Variants in EPHA4 observed in about 807,000 individuals in gnomAD.
EPHA4 encodes ephrin type-A receptor 4.
EPHA4 carries 19 observed loss-of-function variants against 108.3 expected under a neutral mutation model. The observed-to-expected ratio is 0.18, with a 90% CI of 0.12 to 0.26. The LOEUF (loss-of-function observed/expected upper bound fraction) is 0.26, where lower values mean the gene tolerates loss of function less well. Among genes scored for constraint, EPHA4 ranks in the 10% least tolerant of loss-of-function variants. The pLI, the probability that EPHA4 is intolerant of heterozygous loss-of-function variation, is 1.00. For synonymous variants in EPHA4, 449 were observed against 455.5 expected, an observed-to-expected ratio of 0.99 and a Z score of 0.18; for missense variants, 917 against 1,254.0, an observed-to-expected ratio of 0.73 and a Z score of 4.06.
At chr2:221,440,620 T>C (rs2106103522) in intron 11 of EPHA4, among the ~76,000 whole-genome samples, 1 of 152,064 alleles carries the variant, frequency 6.6e-6, no homozygotes, top group South Asian at 2.1e-4. Flanking sequence ...TTTTTTTTTT[T>C]TTTGAAAGAT....
chr2:221,508,995 T>G (rs1559271988), intron 3 of EPHA4, among the ~76,000 whole-genome samples: 3 of 152,214 alleles, frequency 2.0e-5, no homozygotes. Flanking sequence ...TTCTGGATAG[T>G]AAAATCAGAA....
chr2:221,528,105 C>T (rs1007246029), intron 3 of EPHA4, among the ~76,000 whole-genome samples: 1 of 151,890 alleles, frequency 6.6e-6, no homozygotes, highest in Non-Finnish European at 1.5e-5. Context: ...AGAGTTATGC[C>T]TGTCTCATTC....
intron 3 of EPHA4, among the ~76,000 whole-genome samples, chr2:221,528,939 G>T (rs1000149518): frequency 1.3e-5 from 2 of 151,938 alleles, no homozygotes; most frequent in African/African-American, 4.8e-5. Context: ...GCATTTACAG[G>T]TCTCAAATAC....
chr2:221,463,366 A>G (rs1345206891), intron 5 of EPHA4, among the ~76,000 whole-genome samples: 1 of 152,232 alleles, frequency 6.6e-6, no homozygotes, highest in Non-Finnish European at 1.5e-5. Context: ...TCCCAGTTCT[A>G]CAAATCCCTG....
Position 221,426,311 on chromosome 2 carries a change from T to G in EPHA4, c.2846+153A>C, listed in dbSNP as rs1371650322. ...CAATTTAATGCAAGAATGTAGATAC[T>G]TTATAGAGGCTGTGTAAAATTATAC... On this transcript the variant is annotated intron_variant, in intron 16 of 17. Transcript: ENST00000281821. The G allele has an allele frequency of 9.5e-6, 10 of 1,050,234 alleles. No individual in the cohort carries two copies. The African/African-American group carries it at 1.3e-4, about 14-fold the overall frequency. The allele number at this position is 1,050,234 out of a possible 1,614,324, so 65.1% of individuals were successfully genotyped here. A position where few individuals can be genotyped will look rare whatever the true frequency, so the allele number is the denominator to read the frequency against.
chr2:221,426,138 G>C lies in EPHA4; in HGVS notation c.2851C>G (p.Leu951Val). 1 of 1,613,798 alleles carries C rather than the reference G, an allele frequency of 6.2e-7. No homozygotes were observed. The highest frequency in any genetic ancestry group is 8.5e-7 in the Non-Finnish European group (1 of 1,179,776). The change falls in exon 17 of 18, where the codon CTG (leucine) becomes GTG (valine). Residue 951 changes from leucine (L) to valine (V), a missense_variant. By Grantham distance (32) the Leu-to-Val change is conservative. Coordinates refer to ENST00000281821, the MANE Select transcript of EPHA4 (RefSeq NM_004438.5). ...EAVVHVNQED[L>V]ARIGITAITH... ...ATGGCTGTGATACCAATTCTTGCCA[G>C]GTCCCTGTACATAGGGCGACAAAAA...
In EPHA4 at chr2:221,548,319, G is replaced by A. The variant is rs561253426; in HGVS notation, c.823+15412C>T. On this transcript the variant is annotated intron_variant, in intron 3 of 17. Coordinates refer to ENST00000281821, the MANE Select transcript of EPHA4 (RefSeq NM_004438.5). The stretch of plus-strand genomic sequence containing the variant: ...TTGCAGTGAGCCAAGATCACAGATC[G>A]CACCACTGCACTCCAGCCTGGCGAC... Among the ~76,000 whole-genome samples the A allele has an allele frequency of 1.3e-4, 19 of 151,638 alleles. No homozygotes were observed. The South Asian group carries it at 2.7e-3, about 22-fold the overall frequency.
intron 13 of EPHA4, among the ~76,000 whole-genome samples, chr2:221,435,235 A>G (rs1433689331): frequency 6.6e-6 from 1 of 152,206 alleles, no homozygotes; most frequent in Non-Finnish European, 1.5e-5. Context: ...TGTTACGCAC[A>G]GAAGGACACT....
chr2:221,432,772 T>C (rs1241415743), intron 14 of EPHA4, among the ~76,000 whole-genome samples: 3 of 150,388 alleles, frequency 2.0e-5, no homozygotes, highest in Non-Finnish European at 4.4e-5. Context: ...GCGTCCCGAG[T>C]AGCTGGGACT....
intron 3 of EPHA4, chr2:221,502,423 G>T (rs1692512553): frequency 2.2e-5 from 10 of 456,092 alleles, no homozygotes; most frequent in Middle Eastern, 3.3e-4. Flanking sequence ...CTTAGGACTT[G>T]TCTATACTAT....
intron 11 of EPHA4, chr2:221,437,461 A>G (rs1690277669): frequency 5.0e-6 from 1 of 198,216 alleles, no homozygotes; most frequent in East Asian, 1.2e-4. Flanking sequence ...TTCAATGCAG[A>G]AATAATCTTT....
chr2:221,542,987 T>G (rs999352161), intron 3 of EPHA4, among the ~76,000 whole-genome samples: 1 of 152,238 alleles, frequency 6.6e-6, no homozygotes, highest in Non-Finnish European at 1.5e-5. Context: ...GAGTATTGCA[T>G]GGAAATTAAC....
intron 4 of EPHA4, among the ~76,000 whole-genome samples, chr2:221,493,226 G>T (rs1278375605): frequency 6.6e-6 from 1 of 151,936 alleles, no homozygotes; most frequent in Admixed American, 6.6e-5. Flanking sequence ...ATATGCTTTC[G>T]GGTAGATAAA....
chr2:221,487,751 C>T (rs1692020855), intron 4 of EPHA4, among the ~76,000 whole-genome samples: 1 of 152,224 alleles, frequency 6.6e-6, no homozygotes, highest in East Asian at 1.9e-4. Context: ...GGAACATAAA[C>T]ACCCTTCCTT....
intron 3 of EPHA4, among the ~76,000 whole-genome samples, chr2:221,519,647 A>G (rs921916637): frequency 6.6e-6 from 1 of 152,250 alleles, no homozygotes; most frequent in African/African-American, 2.4e-5. Flanking sequence ...GCAACAACCA[A>G]CCTAATGTAA....
At position 221,498,831 on chromosome 2, in the gene EPHA4, A is replaced by G. The variant is rs142191066; in HGVS notation, c.979+2186T>C. On this transcript the variant is annotated intron_variant, in intron 4 of 17. Transcript: ENST00000281821. Reference sequence around the variant, plus strand: ...TTGAGACGACAGAGTTTCCTCTGTCATCTAGGGTGGAGTCCAGTGGTGCAA... The same window carrying G: ...TTGAGACGACAGAGTTTCCTCTGTCGTCTAGGGTGGAGTCCAGTGGTGCAA... Among the ~76,000 whole-genome samples, 574 of 139,006 alleles carry G rather than the reference A, an allele frequency of 4.1e-3. 1 individual carries two copies. The highest frequency in any genetic ancestry group is 6.0e-3 in the Non-Finnish European group (399 of 66,340). 91.2% of individuals were successfully genotyped at this position (139,006 alleles called of 152,430 possible). A position where few individuals can be genotyped will look rare whatever the true frequency, so the allele number is the denominator to read the frequency against.
intron 14 of EPHA4, 140 bp from the exon 15 acceptor site, chr2:221,430,291 G>A: frequency 1.3e-6 from 1 of 774,064 alleles, no homozygotes; most frequent in Admixed American, 2.9e-5. Context: ...CTTCACATGA[G>A]CCAAAGCTAG....
chr2:221,565,071 G>A (rs972075328), intron 2 of EPHA4, among the ~76,000 whole-genome samples: 5 of 152,062 alleles, frequency 3.3e-5, no homozygotes, highest in Admixed American at 1.3e-4. Context: ...TCAAGACTGT[G>A]TATTCAATTA....
At chr2:221,493,819 T>G (rs1692226036) in intron 4 of EPHA4, among the ~76,000 whole-genome samples, 1 of 152,240 alleles carries the variant, frequency 6.6e-6, no homozygotes, top group Admixed American at 6.5e-5. Flanking sequence ...CTTGATAACG[T>G]AAACCTGGAG....
Sources: allele counts gnomAD v4.1 joint callset (sites outside exome capture counted in the v4.1 genomes callset), GRCh38; gene constraint gnomAD v4.1.1; transcripts MANE v1.5; gene names NCBI Gene and HGNC (gene_info 2026-07-23, HGNC 2026-07-21).